Variants in ESR1 observed in about 807,000 individuals in gnomAD.
ESR1 encodes estrogen receptor.
In ESR1, 12 loss-of-function variants were observed where a neutral mutation model predicts 52.7. The observed-to-expected ratio is 0.23, with a 90% CI of 0.15 to 0.37. The LOEUF is 0.37. Ranked by LOEUF, ESR1 falls within the 10% of genes least tolerant of loss-of-function variation. ESR1 has a pLI of 1.00. For missense variants in ESR1, 584 were observed against 779.7 expected, an observed-to-expected ratio of 0.75 and a Z score of 2.99; for synonymous variants, 305 against 316.8, an observed-to-expected ratio of 0.96 and a Z score of 0.39.
At chr6:151,684,056 CT>C (rs1778560112) in intron 1 of ESR1, among the ~76,000 whole-genome samples, 1 of 151,990 alleles carries the variant, frequency 6.6e-6, no homozygotes, top group Non-Finnish European at 1.5e-5. Flanking sequence ...ACACAAGCTC[CT>C]CAGGATCATA....
intron 4 of ESR1, among the ~76,000 whole-genome samples, chr6:151,952,287 C>CT (rs1279008931): frequency 6.6e-6 from 1 of 152,162 alleles, no homozygotes. Flanking sequence ...GAGGAAGAGT[C>CT]TTTCTTCAAC....
chr6:152,041,887 A>G (rs1158499100), intron 5 of ESR1, among the ~76,000 whole-genome samples: 5 of 152,226 alleles, frequency 3.3e-5, no homozygotes, highest in African/African-American at 7.2e-5. Context: ...CATACCAGGT[A>G]CCAGGAGATG....
chr6:151,874,510 A>C (rs1023036509), intron 2 of ESR1, among the ~76,000 whole-genome samples: 1 of 152,216 alleles, frequency 6.6e-6, no homozygotes, highest in African/African-American at 2.4e-5. Flanking sequence ...AAATAACTAC[A>C]CCACATACTT....
chr6:151,753,680 C>G (rs533636570), intron 2 of ESR1, among the ~76,000 whole-genome samples: 1 of 152,086 alleles, frequency 6.6e-6, no homozygotes, highest in Non-Finnish European at 1.5e-5. Context: ...CAGATATTGC[C>G]GTAGTGTTTC....
intron 1 of ESR1, among the ~76,000 whole-genome samples, chr6:151,828,974 C>T (rs553445707): frequency 6.6e-6 from 1 of 152,320 alleles, no homozygotes; most frequent in East Asian, 1.9e-4. Flanking sequence ...GGAAGAGTAA[C>T]CCAGAAGATT....
chr6:151,891,635 A>G (rs1041601987), intron 3 of ESR1, among the ~76,000 whole-genome samples: 5 of 152,178 alleles, frequency 3.3e-5, no homozygotes, highest in African/African-American at 2.4e-5. Context: ...CAGACAGGAA[A>G]CCAAGTCTCC....
At chr6:152,034,867 T>C (rs1035122041) in intron 5 of ESR1, among the ~76,000 whole-genome samples, 1 of 152,232 alleles carries the variant, frequency 6.6e-6, no homozygotes, top group Non-Finnish European at 1.5e-5. Flanking sequence ...GTAAAGACTC[T>C]GAACTATCAC....
chr6:151,977,688 G>C (rs532827321), intron 4 of ESR1, among the ~76,000 whole-genome samples: 13 of 152,016 alleles, frequency 8.6e-5, no homozygotes, highest in African/African-American at 2.9e-4. Flanking sequence ...CCAGCTACTT[G>C]GGAGGCTGAG....
intron 3 of ESR1, among the ~76,000 whole-genome samples, chr6:151,940,577 C>T (rs927562254): frequency 6.6e-6 from 1 of 152,116 alleles, no homozygotes; most frequent in African/African-American, 2.4e-5. Flanking sequence ...TACAACTAAG[C>T]CATCTAAGTA....
chr6:151,913,233 C>T (rs570380822), intron 3 of ESR1, among the ~76,000 whole-genome samples: 15 of 152,170 alleles, frequency 9.9e-5, no homozygotes, highest in Non-Finnish European at 1.9e-4. Context: ...ACTCCCACCA[C>T]GTGCGGATTT....
intron 3 of ESR1, among the ~76,000 whole-genome samples, chr6:151,895,655 G>A (rs551820076): frequency 6.6e-6 from 1 of 152,224 alleles, no homozygotes; most frequent in South Asian, 2.1e-4. Context: ...ATGGTCATGC[G>A]ATTTTTGTTT....
At chr6:152,093,829 C>T (rs548861047) in intron 6 of ESR1, among the ~76,000 whole-genome samples, 12 of 152,302 alleles carry the variant, frequency 7.9e-5, no homozygotes, top group East Asian at 1.9e-4. Flanking sequence ...GCCAATCGCT[C>T]ATCACTCTCT....
intron 5 of ESR1, among the ~76,000 whole-genome samples, chr6:152,023,965 C>T (rs929099462): frequency 1.1e-4 from 16 of 152,042 alleles, no homozygotes; most frequent in Middle Eastern, 3.2e-3. Flanking sequence ...AAAGAGTTTC[C>T]GTGTCCCCAA....
At chr6:151,760,725 A>C (rs1179975352) in intron 2 of ESR1, among the ~76,000 whole-genome samples, 1 of 152,222 alleles carries the variant, frequency 6.6e-6, no homozygotes, top group Non-Finnish European at 1.5e-5. Context: ...AACCCATGAC[A>C]GTAAACGCAC....
At chr6:151,981,938 G>A (rs2040028106) in intron 4 of ESR1, among the ~76,000 whole-genome samples, 1 of 152,206 alleles carries the variant, frequency 6.6e-6, no homozygotes, top group Non-Finnish European at 1.5e-5. Flanking sequence ...GAGTTCTGCT[G>A]TGCGTCTAGA....
intron 2 of ESR1, among the ~76,000 whole-genome samples, chr6:151,850,402 G>C (rs1177906847): frequency 6.9e-6 from 1 of 145,088 alleles, no homozygotes; most frequent in Non-Finnish European, 1.5e-5. Context: ...AGAGAGAGAA[G>C]AGAGAGAGGG....
intron 3 of ESR1, among the ~76,000 whole-genome samples, chr6:151,905,506 T>G (rs1234275670): frequency 6.6e-6 from 1 of 152,168 alleles, no homozygotes; most frequent in East Asian, 1.9e-4. Flanking sequence ...AAAAATCGAT[T>G]TAAATTCAGA....
chr6:151,735,334 C>G (rs2128046895), intron 2 of ESR1, among the ~76,000 whole-genome samples: 1 of 152,278 alleles, frequency 6.6e-6, no homozygotes, highest in African/African-American at 2.4e-5. Flanking sequence ...GTAGGATGGT[C>G]CTGATCACTA....
At chr6:151,926,048 T>G (rs1052588598) in intron 3 of ESR1, among the ~76,000 whole-genome samples, 5 of 152,172 alleles carry the variant, frequency 3.3e-5, no homozygotes, top group Non-Finnish European at 7.4e-5. Flanking sequence ...CATTTTCTTT[T>G]TATATATATC....
Sources: gnomAD v4.1 joint callset for allele counts (sites outside exome capture counted in the v4.1 genomes callset) on GRCh38, gnomAD v4.1.1 for gene constraint, MANE v1.5 for transcripts, NCBI Gene and HGNC (gene_info 2026-07-23, HGNC 2026-07-21) for gene names.